The following KALRN variants were observed in gnomAD, a reference collection of about 807,000 sequenced individuals.
KALRN encodes kalirin RhoGEF kinase, also known as kalirin.
KALRN carries 70 observed loss-of-function variants against 353.7 expected under a neutral mutation model. That is an observed-to-expected ratio of 0.20 (90% confidence interval 0.16 to 0.24). The LOEUF is 0.24. KALRN is among the 10% of genes least tolerant of loss of function. The pLI, the probability that KALRN is intolerant of heterozygous loss-of-function variation, is 1.00. For missense variants in KALRN, 2,791 were observed against 3,756.7 expected, an observed-to-expected ratio of 0.74 and a Z score of 6.72; for synonymous variants, 1,391 against 1,434.8, an observed-to-expected ratio of 0.97 and a Z score of 0.69.
Position 124,347,371 on chromosome 3 carries a change from CTGTGTG to C in KALRN, c.1770+134_1770+139del, listed in dbSNP as rs10663884. On this transcript the variant is annotated intron_variant, in intron 10 of 59. Coordinates refer to ENST00000682506, the MANE Select transcript of KALRN (RefSeq NM_001388419.1). ...TTGAAGAGGTGGCTCAGGTGAGAAG[CTGTGTG>C]TGTGTGTGTGTGTGTGTGTGTGTGT... is the stretch of plus-strand genomic sequence containing the variant. The C allele has an allele frequency of 2.6e-4, 148 of 564,040 alleles. 9 individuals carry two copies. The African/African-American group carries it at 5.6e-3, about 21-fold the overall frequency. The allele number at this position is 564,040 out of a possible 1,614,324, so 34.9% of individuals were successfully genotyped here. A position where few individuals can be genotyped will look rare whatever the true frequency, so the allele number is the denominator to read the frequency against.
chr3:124,521,095 G>C (rs1477612095), intron 33 of KALRN, among the ~76,000 whole-genome samples: 1 of 152,202 alleles, frequency 6.6e-6, no homozygotes, highest in African/African-American at 2.4e-5. Context: ...GCTCTTCCTT[G>C]TGTGATTGGA....
chr3:124,051,595 G>A (rs940466092), intron 1 of KALRN, among the ~76,000 whole-genome samples: 2 of 152,162 alleles, frequency 1.3e-5, no homozygotes, highest in African/African-American at 2.4e-5. Flanking sequence ...TTCTGCTTCT[G>A]TGGTGGTGGA....
chr3:124,413,265 A>G (rs892050632), intron 13 of KALRN, among the ~76,000 whole-genome samples: 8 of 152,214 alleles, frequency 5.3e-5, no homozygotes, highest in Non-Finnish European at 7.3e-5. Context: ...TGCTATAGGC[A>G]TTGAAACACT....
At position 124,631,719 on chromosome 3, in the gene KALRN, T is replaced by C. The variant is rs577471764; in HGVS notation, c.5183-701T>C. On this transcript the variant is annotated intron_variant, in intron 34 of 59. Transcript: ENST00000682506. Reference sequence around the variant, plus strand: ...TAGAAACCAGAATGACCTTTAAAAATATAAGCCAGATTGAATCACTCTGGC... The same window carrying C: ...TAGAAACCAGAATGACCTTTAAAAACATAAGCCAGATTGAATCACTCTGGC... Among the ~76,000 whole-genome samples the C allele has an allele frequency of 1.3e-4, 20 of 152,288 alleles. No individual in the cohort carries two copies. The East Asian group carries it at 3.7e-3, about 28-fold the overall frequency.
chr3:124,663,640 C>CT (rs2085183717), intron 45 of KALRN, among the ~76,000 whole-genome samples: 1 of 152,198 alleles, frequency 6.6e-6, no homozygotes, highest in Non-Finnish European at 1.5e-5. Flanking sequence ...AGATGTGGAT[C>CT]TTTTATTTCC....
chr3:124,146,440 G>GAAT (rs1398740141), intron 1 of KALRN, among the ~76,000 whole-genome samples: 2 of 152,108 alleles, frequency 1.3e-5, no homozygotes, highest in African/African-American at 4.8e-5. Context: ...TAACAGATTA[G>GAAT]AATAAAAGCA....
chr3:124,472,086 A>G (rs2060970367), intron 25 of KALRN, among the ~76,000 whole-genome samples: 1 of 152,056 alleles, frequency 6.6e-6, no homozygotes, highest in African/African-American at 2.4e-5. Context: ...CAAATTGTGC[A>G]TCTTCCCATA....
intron 6 of KALRN, among the ~76,000 whole-genome samples, chr3:124,302,694 A>T (rs2077363673): frequency 6.6e-6 from 1 of 152,206 alleles, no homozygotes; most frequent in South Asian, 2.1e-4. Context: ...CTTGAACAAC[A>T]GAAATTTGTT....
chr3:124,569,324 A>G (rs1213265932), intron 34 of KALRN, among the ~76,000 whole-genome samples: 6 of 152,292 alleles, frequency 3.9e-5, no homozygotes, highest in South Asian at 2.1e-4. Context: ...CCCATGCTGC[A>G]GAAGGTGGTG....
chr3:124,657,826 TC>T, intron 41 of KALRN, 23 bp downstream of exon 41: 1 of 1,495,550 alleles, frequency 6.7e-7, no homozygotes, highest in Non-Finnish European at 9.3e-7. Context: ...CATCACCTCC[TC>T]CCCAACTCCT....
intron 1 of KALRN, chr3:124,163,950 C>T: frequency 1.0e-6 from 1 of 985,440 alleles, no homozygotes; most frequent in Non-Finnish European, 1.2e-6. Flanking sequence ...GCTCACAGTC[C>T]AGCTTGAATC....
chr3:124,202,765 C>T (rs935201156), intron 1 of KALRN, among the ~76,000 whole-genome samples: 1 of 152,168 alleles, frequency 6.6e-6, no homozygotes, highest in Admixed American at 6.5e-5. Context: ...TGCTTCATCA[C>T]CTTTTCTTCA....
intron 5 of KALRN, among the ~76,000 whole-genome samples, chr3:124,281,653 C>T (rs1707182591): frequency 6.6e-6 from 1 of 152,190 alleles, no homozygotes; most frequent in Non-Finnish European, 1.5e-5. Flanking sequence ...GCTCTTTCTC[C>T]CTCTGAGCAT....
chr3:124,314,165 C>G (rs1188680059), intron 6 of KALRN, among the ~76,000 whole-genome samples: 1 of 151,860 alleles, frequency 6.6e-6, no homozygotes, highest in Admixed American at 6.6e-5. Context: ...GAATACTAGG[C>G]GGCCATAAAA....
At chr3:124,084,287 T>C (rs2060691993) in intron 1 of KALRN, among the ~76,000 whole-genome samples, 1 of 152,186 alleles carries the variant, frequency 6.6e-6, no homozygotes, top group African/African-American at 2.4e-5. Flanking sequence ...CCCACGTCTT[T>C]AGTGCACAGG....
chr3:124,158,164 A>C (rs2069303845), intron 1 of KALRN, among the ~76,000 whole-genome samples: 1 of 151,836 alleles, frequency 6.6e-6, no homozygotes, highest in Non-Finnish European at 1.5e-5. Flanking sequence ...CCTCCACCCC[A>C]CCCTCTGCTC....
intron 26 of KALRN, among the ~76,000 whole-genome samples, chr3:124,475,269 A>AT (rs966394110): frequency 7.2e-5 from 11 of 152,252 alleles, no homozygotes; most frequent in African/African-American, 2.6e-4. Flanking sequence ...GGAAAAACAG[A>AT]TTTTTTGGGT....
intron 48 of KALRN, among the ~76,000 whole-genome samples, chr3:124,672,130 T>C (rs369708638): frequency 1.1e-4 from 17 of 152,278 alleles, no homozygotes; most frequent in African/African-American, 4.1e-4. Context: ...GTATTTTTAG[T>C]ACAGATGGGG....
At chr3:124,061,233 C>G (rs1173891498) in intron 1 of KALRN, among the ~76,000 whole-genome samples, 1 of 152,202 alleles carries the variant, frequency 6.6e-6, no homozygotes, top group Non-Finnish European at 1.5e-5. Flanking sequence ...GCACTCAGAT[C>G]TCTGGTAGTA....
Sources: gnomAD v4.1 joint callset for allele counts (sites outside exome capture counted in the v4.1 genomes callset) on GRCh38, gnomAD v4.1.1 for gene constraint, MANE v1.5 for transcripts, NCBI Gene and HGNC (gene_info 2026-07-23, HGNC 2026-07-21) for gene names.